The following WDR12 variants were observed in gnomAD, a reference collection of about 807,000 sequenced individuals.
WDR12 encodes WD repeat domain 12.
WDR12 carries 42 observed loss-of-function variants against 64.3 expected under a neutral mutation model. That is an observed-to-expected ratio of 0.65 (90% CI 0.51 to 0.84). WDR12 has a LOEUF of 0.84. WDR12 is among the 40% of genes least tolerant of loss of function. WDR12 has a pLI of 0.00. For synonymous variants in WDR12, 158 were observed against 173.3 expected (o/e 0.91, Z 0.70); for missense variants, 469 against 494.6 (o/e 0.95, Z 0.49).
chr2:202,886,005 T>C (rs886472702), intron 8 of WDR12, among the ~76,000 whole-genome samples: 8 of 152,080 alleles, frequency 5.3e-5, no homozygotes, highest in African/African-American at 1.9e-4. Flanking sequence ...TACAGTGAGC[T>C]ACCATCACGC....
chr2:202,881,045 T>C (rs996707457), intron 12 of WDR12, 108 bp from the exon 13 acceptor site: 4 of 971,938 alleles, frequency 4.1e-6, no homozygotes, highest in Admixed American at 5.8e-5. Context: ...AAAGGAATTA[T>C]GGGTGAGCAG....
chr2:202,878,721 G>C lies in WDR12; in HGVS notation c.*2139C>G, dbSNP rs532829786. ...AGCCAAGTTTAGATATTGTTTCGCA[G>C]ACTTCTGCAACAGGAACATCATTTG... On this transcript the variant is annotated 3_prime_UTR_variant, in exon 13 of 13. Transcript: ENST00000261015. 1.3e-5 allele frequency: 2 copies of C among 152,266 alleles called. No homozygotes were observed. The highest frequency in any genetic ancestry group is 3.9e-4 in the East Asian group (2 of 5,184). 9.4% of individuals were successfully genotyped at this position (152,266 alleles called of 1,614,324 possible).
At chr2:202,901,169 T>C in intron 2 of WDR12, 50 bp from the exon 3 acceptor site, 2 of 1,440,330 alleles carry the variant, frequency 1.4e-6, no homozygotes, top group East Asian at 2.3e-5. Flanking sequence ...TAAAGTAATA[T>C]TGGCAGAGGT....
rs1176695549 is a variant in WDR12, at chr2:202,879,565, A to G, written c.*1295T>C. 6.8e-6 allele frequency: 1 copy of G among 146,546 alleles called. No homozygotes were observed. Among genetic ancestry groups the G allele is most frequent in the African/African-American group, 2.5e-5 (1 of 39,524 alleles). The allele number at this position is 146,546 out of a possible 1,614,324, so 9.1% of individuals were successfully genotyped here. The stretch of plus-strand genomic sequence containing the variant: ...CCTCCCAAGTACTTGGGACCACAGG[A>G]GTGTGCCACCACACCCGGCTAATTT... On this transcript the variant is annotated 3_prime_UTR_variant, in exon 13 of 13. Transcript: ENST00000261015.
Position 202,893,479 on chromosome 2 carries a change from G to A in WDR12, c.656-777C>T, listed in dbSNP as rs570920568. On this transcript the variant is annotated intron_variant, in intron 7 of 12. Transcript: ENST00000261015. ...AATTTTCTAAACTAAATCACTTTTT[G>A]CCACCAAATTATTTGCTTTCATCAT... Among the ~76,000 whole-genome samples, 3 of 151,934 alleles carry A rather than the reference G, an allele frequency of 2.0e-5. No homozygotes were observed. The East Asian group carries it at 5.8e-4, about 29-fold the overall frequency.
chr2:202,911,585 A>T lies in WDR12; in HGVS notation c.-109T>A. 2.0e-6 allele frequency: 2 copies of T among 1,022,664 alleles called. No homozygotes were observed. The highest frequency in any genetic ancestry group is 3.1e-6 in the Non-Finnish European group (2 of 647,752). The allele number at this position is 1,022,664 out of a possible 1,614,324, so 63.3% of individuals were successfully genotyped here. On this transcript the variant is annotated 5_prime_UTR_variant, in exon 1 of 13. Transcript: ENST00000261015. Reference sequence around the variant, plus strand: ...AAGAGGCAGCTCAAAATTAGACTGCACAGGTAAGCGAGGAACTGCAGTCTA... The same window carrying T: ...AAGAGGCAGCTCAAAATTAGACTGCTCAGGTAAGCGAGGAACTGCAGTCTA...
At position 202,880,837 on chromosome 2, in the gene WDR12, T is replaced by G; in HGVS notation, c.*23A>C. ...CAATTTCATTTACAGAAATAATCTCTATAGTCAAATTATTGTTCACTTTCA... is the reference window on the plus strand; with the variant it reads ...CAATTTCATTTACAGAAATAATCTCGATAGTCAAATTATTGTTCACTTTCA... On this transcript the variant is annotated 3_prime_UTR_variant, in exon 13 of 13. Coordinates refer to ENST00000261015, the MANE Select transcript of WDR12 (RefSeq NM_018256.4). 1 of 1,592,156 alleles carries G rather than the reference T, an allele frequency of 6.3e-7. No individual in the cohort carries two copies. Among genetic ancestry groups the G allele is most frequent in the Non-Finnish European group, 8.6e-7 (1 of 1,165,996 alleles).
In WDR12 at chr2:202,882,620, A is replaced by G. The variant is rs537831048; in HGVS notation, c.1194+91T>C. The G allele has an allele frequency of 2.7e-4, 359 of 1,351,728 alleles. 1 individual carries two copies. The highest frequency in any genetic ancestry group is 2.6e-3 in the African/African-American group (181 of 69,428). The allele number at this position is 1,351,728 out of a possible 1,614,324, so 83.7% of individuals were successfully genotyped here. ...TGCGATTACAGGCGTGAGCCACTGCACCCGGCCCGAAACTAATACATTTTA... is the reference window on the plus strand; with the variant it reads ...TGCGATTACAGGCGTGAGCCACTGCGCCCGGCCCGAAACTAATACATTTTA... On this transcript the variant is annotated intron_variant, in intron 12 of 12. Coordinates refer to ENST00000261015, the MANE Select transcript of WDR12 (RefSeq NM_018256.4).
chr2:202,897,922 TATAAAAA>T (rs377538255), intron 4 of WDR12, among the ~76,000 whole-genome samples: 1,438 of 130,012 alleles, frequency 0.011, 1 homozygote, highest in Non-Finnish European at 0.018. Context: ...TATATATATA[TATAAAAA>T]ATATATATCA....
In WDR12 at chr2:202,879,598, A is replaced by G. The variant is rs1001517222; in HGVS notation, c.*1262T>C. The G allele has an allele frequency of 1.4e-5, 2 of 139,438 alleles. No individual in the cohort carries two copies. The highest frequency in any genetic ancestry group is 2.7e-5 in the African/African-American group (1 of 37,642). The allele number at this position is 139,438 out of a possible 1,614,324, so 8.6% of individuals were successfully genotyped here. On this transcript the variant is annotated 3_prime_UTR_variant, in exon 13 of 13. Coordinates refer to ENST00000261015, the MANE Select transcript of WDR12 (RefSeq NM_018256.4). ...ACCACACCCGGCTAATTTGTTTTGG[A>G]TTTTTTTTTTTTTAGTAGAGACAAA...
In WDR12 at chr2:202,875,172, C is replaced by T. The variant is rs1407502162; in HGVS notation, c.*5688G>A. Reference sequence around the variant, plus strand: ...TTAAATAACATGAATGACATAATTACATGAATAATAGGATAATTTCTAAAA... The same window carrying T: ...TTAAATAACATGAATGACATAATTATATGAATAATAGGATAATTTCTAAAA... On this transcript the variant is annotated 3_prime_UTR_variant, in exon 13 of 13. Transcript: ENST00000261015. 6.6e-6 allele frequency: 1 copy of T among 152,118 alleles called. No homozygotes were observed. Among genetic ancestry groups the T allele is most frequent in the South Asian group, 2.1e-4 (1 of 4,830 alleles). The allele number at this position is 152,118 out of a possible 1,614,324, so 9.4% of individuals were successfully genotyped here.
At chr2:202,886,496 C>T (rs1476952655) in intron 8 of WDR12, among the ~76,000 whole-genome samples, 1 of 151,196 alleles carries the variant, frequency 6.6e-6, no homozygotes, top group South Asian at 2.1e-4. Flanking sequence ...TAGCTGGGTG[C>T]GGTGGCTCAC....
chr2:202,884,050 A>T, intron 10 of WDR12, 148 bp downstream of exon 10: 1 of 759,896 alleles, frequency 1.3e-6, no homozygotes, highest in Non-Finnish European at 2.1e-6. Flanking sequence ...TGACCTCATG[A>T]TCTGCCCGCC....
At chr2:202,883,997 A>C in intron 10 of WDR12, 1 of 637,108 alleles carries the variant, frequency 1.6e-6, no homozygotes, top group South Asian at 2.1e-5. Flanking sequence ...ATTTTTAGTA[A>C]AGGCAGGGTT....
At chr2:202,908,755 T>C (rs762749771) in intron 1 of WDR12, among the ~76,000 whole-genome samples, 59 of 152,290 alleles carry the variant, frequency 3.9e-4, no homozygotes, top group Non-Finnish European at 7.1e-4. Context: ...GGCTGCACAA[T>C]GGGCACTGAA....
chr2:202,885,791 G>C (rs960055682), intron 8 of WDR12, among the ~76,000 whole-genome samples: 3 of 152,176 alleles, frequency 2.0e-5, no homozygotes, highest in African/African-American at 7.2e-5. Context: ...CAGGCACAGA[G>C]GCTCATACCT....
At chr2:202,905,614 C>T (rs1372149433) in intron 2 of WDR12, among the ~76,000 whole-genome samples, 2 of 152,170 alleles carry the variant, frequency 1.3e-5, no homozygotes, top group Admixed American at 1.3e-4. Context: ...CCAGCAATAG[C>T]ACTGCTAGGT....
intron 8 of WDR12, among the ~76,000 whole-genome samples, chr2:202,891,086 T>C (rs968959502): frequency 6.6e-6 from 1 of 151,888 alleles, no homozygotes; most frequent in African/African-American, 2.4e-5. Flanking sequence ...TACTCAGATA[T>C]GTTCTTTAAA....
intron 8 of WDR12, among the ~76,000 whole-genome samples, chr2:202,884,756 A>G (rs1307174919): frequency 1.3e-5 from 2 of 152,260 alleles, no homozygotes; most frequent in Non-Finnish European, 1.5e-5. Context: ...CATAGAGCTT[A>G]TAAGTGGCAG....
Sources: allele counts gnomAD v4.1 joint callset (sites outside exome capture counted in the v4.1 genomes callset), GRCh38; gene constraint gnomAD v4.1.1; transcripts MANE v1.5; gene names NCBI Gene and HGNC (gene_info 2026-07-23, HGNC 2026-07-21).